The following GOLGA4 variants were observed in gnomAD, a reference collection of about 807,000 sequenced individuals.
GOLGA4 encodes golgin A4, also known as golgin subfamily A member 4.
Under a neutral mutation model 265.9 loss-of-function variants are expected in GOLGA4, and 169 were observed. The observed-to-expected ratio is 0.64, with a 90% CI of 0.56 to 0.72. The LOEUF (loss-of-function observed/expected upper bound fraction) is 0.72, where lower values mean the gene tolerates loss of function less well. GOLGA4 is among the 30% of genes least tolerant of loss of function. GOLGA4 has a pLI of 0.00. For missense variants in GOLGA4, 2,482 were observed against 2,483.4 expected (o/e 1.00, Z 0.01); for synonymous variants, 923 against 855.8 (o/e 1.08, Z -1.37).
intron 16 of GOLGA4, among the ~76,000 whole-genome samples, chr3:37,329,693 A>G (rs1245744993): frequency 2.6e-5 from 4 of 151,672 alleles, no homozygotes; most frequent in Non-Finnish European, 5.9e-5. Context: ...TATGCCACTA[A>G]TGCATTGCCA....
chr3:37,279,784 G>A (rs1280417393), intron 2 of GOLGA4, among the ~76,000 whole-genome samples: 2 of 152,000 alleles, frequency 1.3e-5, no homozygotes, highest in Non-Finnish European at 2.9e-5. Flanking sequence ...GCACATGCCT[G>A]TATTCCCAGC....
At position 37,353,819 on chromosome 3, in the gene GOLGA4, T is replaced by C. The variant is rs1559471118; in HGVS notation, c.6577-1282T>C. Among the ~76,000 whole-genome samples, 3 of 152,150 alleles carry C rather than the reference T, an allele frequency of 2.0e-5. No homozygotes were observed. In the South Asian group the frequency reaches 6.2e-4, roughly 32 times the overall value. The stretch of plus-strand genomic sequence containing the variant: ...GTTTCCCAGGCTAGTCTCTAAACTT[T>C]AGGACTCAAGCGATCCTCCCACCTC... On this transcript the variant is annotated intron_variant, in intron 21 of 23. Coordinates refer to ENST00000361924, the MANE Select transcript of GOLGA4 (RefSeq NM_002078.5).
At chr3:37,354,443 A>G (rs1035552247) in intron 21 of GOLGA4, among the ~76,000 whole-genome samples, 1 of 151,982 alleles carries the variant, frequency 6.6e-6, no homozygotes, top group Admixed American at 6.6e-5. Context: ...CTTTGAGGAG[A>G]ATTTTCCAGG....
Position 37,340,109 on chromosome 3 carries a change from ATTTG to A in GOLGA4, c.6397-12_6397-9del, listed in dbSNP as rs2097028286. 1 of 1,021,328 alleles carries A rather than the reference ATTTG, an allele frequency of 9.8e-7. No individual in the cohort carries two copies. The highest frequency in any genetic ancestry group is 1.5e-6 in the Non-Finnish European group (1 of 658,104). 63.3% of individuals were successfully genotyped at this position (1,021,328 alleles called of 1,614,324 possible). A position where few individuals can be genotyped will look rare whatever the true frequency, so the allele number is the denominator to read the frequency against. ...CCTGTGAATCTTATATGGTCTGATT[ATTTG>A]TTATTTTTAGATTCACAATTTAGAA... On this transcript the variant is annotated splice_polypyrimidine_tract_variant and intron_variant, in intron 19 of 23. Coordinates refer to ENST00000361924, the MANE Select transcript of GOLGA4 (RefSeq NM_002078.5).
chr3:37,344,136 C>G (rs924630283), intron 20 of GOLGA4, among the ~76,000 whole-genome samples: 1 of 152,238 alleles, frequency 6.6e-6, no homozygotes, highest in Non-Finnish European at 1.5e-5. Context: ...GTGTCTCACT[C>G]TGTCATTCAG....
chr3:37,275,262 AAC>A (rs1185006284), intron 2 of GOLGA4, among the ~76,000 whole-genome samples: 17 of 151,760 alleles, frequency 1.1e-4, no homozygotes, highest in African/African-American at 4.1e-4. Flanking sequence ...ACCCCAAAAA[AAC>A]AAATGTTTAA....
intron 2 of GOLGA4, among the ~76,000 whole-genome samples, chr3:37,274,406 A>G (rs1346847738): frequency 6.6e-6 from 1 of 152,154 alleles, no homozygotes; most frequent in African/African-American, 2.4e-5. Flanking sequence ...TCATTATGAT[A>G]GCAGGCTGGG....
At chr3:37,321,908 A>T (rs768095641) in intron 13 of GOLGA4, 22 bp downstream of exon 13, 2 of 1,566,310 alleles carry the variant, frequency 1.3e-6, no homozygotes, top group East Asian at 4.5e-5. Flanking sequence ...TAATATTCAG[A>T]TTCTGGAGTT....
intron 2 of GOLGA4, chr3:37,273,616 GT>G: frequency 7.4e-7 from 1 of 1,352,198 alleles, no homozygotes; most frequent in Non-Finnish European, 1.0e-6. Context: ...GTTACTAATT[GT>G]TATTTTAGAA....
intron 10 of GOLGA4, among the ~76,000 whole-genome samples, chr3:37,305,302 A>G (rs2096903218): frequency 3.9e-5 from 6 of 152,234 alleles, no homozygotes; most frequent in Admixed American, 3.9e-4. Flanking sequence ...TTTCTTAAAA[A>G]TTATATTTGT....
chr3:37,263,156 A>G (rs2096774546), intron 2 of GOLGA4, among the ~76,000 whole-genome samples: 1 of 152,174 alleles, frequency 6.6e-6, no homozygotes, highest in African/African-American at 2.4e-5. Flanking sequence ...AATACTTACC[A>G]TTGTATTACA....
rs1406051756 is a variant in GOLGA4, at chr3:37,323,943, T to C, written c.2057T>C (p.Leu686Pro). 2 of 1,613,462 alleles carry C rather than the reference T, an allele frequency of 1.2e-6. No homozygotes were observed. Among genetic ancestry groups the C allele is most frequent in the South Asian group, 2.2e-5 (2 of 90,996 alleles). ...AAGCTTGATGTGAAGCAAACAGAAC[T>C]AGAATCATTATCTTCTGAACTGTCA... ...LEKLDVKQTE[L>P]ESLSSELSEV... The change falls in exon 14 of 24, where the codon CTA becomes CCA. Residue 686 changes from leucine (L) to proline (P), a missense_variant. Transcript: ENST00000361924.
intron 10 of GOLGA4, among the ~76,000 whole-genome samples, chr3:37,308,017 T>C (rs976678355): frequency 2.0e-5 from 3 of 152,146 alleles, no homozygotes; most frequent in African/African-American, 7.2e-5. Context: ...GTGGATTACC[T>C]GAGGTCAGGA....
intron 2 of GOLGA4, among the ~76,000 whole-genome samples, chr3:37,274,906 G>T (rs932229766): frequency 6.6e-6 from 1 of 151,754 alleles, no homozygotes; most frequent in African/African-American, 2.4e-5. Flanking sequence ...CAAAACATTC[G>T]GAAGTATTGT....
intron 2 of GOLGA4, among the ~76,000 whole-genome samples, chr3:37,257,868 G>T (rs996577456): frequency 3.6e-5 from 5 of 140,252 alleles, no homozygotes; most frequent in Middle Eastern, 3.9e-3. Context: ...TTAAATTCCA[G>T]AATTAGGTGT....
intron 10 of GOLGA4, among the ~76,000 whole-genome samples, chr3:37,312,427 A>G (rs1380346558): frequency 2.6e-5 from 4 of 152,206 alleles, no homozygotes; most frequent in African/African-American, 7.2e-5. Context: ...AAGAATATGT[A>G]AAACAAAGAT....
intron 5 of GOLGA4, among the ~76,000 whole-genome samples, chr3:37,292,557 G>A (rs1014141545): frequency 6.6e-6 from 1 of 152,012 alleles, no homozygotes; most frequent in African/African-American, 2.4e-5. Context: ...GTGGTGGCAC[G>A]CACCTGTAGT....
chr3:37,283,869 C>G (rs1293598865), intron 3 of GOLGA4, among the ~76,000 whole-genome samples: 2 of 152,078 alleles, frequency 1.3e-5, no homozygotes, highest in Non-Finnish European at 2.9e-5. Flanking sequence ...TTGTACCATT[C>G]CCGTAGATGT....
intron 2 of GOLGA4, among the ~76,000 whole-genome samples, chr3:37,255,159 T>C (rs2096745062): frequency 6.6e-6 from 1 of 151,800 alleles, no homozygotes; most frequent in African/African-American, 2.4e-5. Flanking sequence ...GTCATCATTA[T>C]TATTATTATT....
Sources: allele counts gnomAD v4.1 joint callset (sites outside exome capture counted in the v4.1 genomes callset), GRCh38; gene constraint gnomAD v4.1.1; transcripts MANE v1.5; gene names NCBI Gene and HGNC (gene_info 2026-07-23, HGNC 2026-07-21).